EFNB2: variants seen among roughly 807,000 people sequenced by gnomAD.
EFNB2 encodes the protein ephrin B2, also known as ephrin-B2.
Under a neutral mutation model 32.1 loss-of-function variants are expected in EFNB2, and 5 were observed. That is an observed-to-expected ratio of 0.16 (90% CI 0.08 to 0.33). The LOEUF is 0.33. Among genes scored for constraint, EFNB2 ranks in the 10% least tolerant of loss-of-function variants. EFNB2 has a pLI of 1.00. For synonymous variants in EFNB2, 168 were observed against 166.5 expected (o/e 1.01, Z -0.07); for missense variants, 263 against 422.6 (o/e 0.62, Z 3.31).
At chr13:106,505,283 A>G (rs1476344103) in intron 2 of EFNB2, among the ~76,000 whole-genome samples, 1 of 152,210 alleles carries the variant, frequency 6.6e-6, no homozygotes, top group African/African-American at 2.4e-5. Flanking sequence ...CTATTGCTAC[A>G]TGTGCACTTA....
intron 1 of EFNB2, among the ~76,000 whole-genome samples, chr13:106,523,965 A>G (rs1206398413): frequency 6.6e-6 from 1 of 152,206 alleles, no homozygotes; most frequent in African/African-American, 2.4e-5. Flanking sequence ...TTTTCTCCCA[A>G]CAAGGAACAA....
At position 106,521,923 on chromosome 13, in the gene EFNB2, AGT is replaced by A. The variant is rs1223916449; in HGVS notation, c.123-9113_123-9112del. Among the ~76,000 whole-genome samples, 7 of 152,208 alleles carry A rather than the reference AGT, an allele frequency of 4.6e-5. No homozygotes were observed. The East Asian group carries it at 7.7e-4, about 17-fold the overall frequency. ...TTAATCATCTAGAAATCTAACTTTA[AGT>A]GTGTGATCCCCAAATATCATTGTTG... On this transcript the variant is annotated intron_variant, in intron 1 of 4. Coordinates refer to ENST00000646441, the MANE Select transcript of EFNB2 (RefSeq NM_004093.4).
At chr13:106,495,650 A>C in intron 3 of EFNB2, 98 bp downstream of exon 3, 1 of 1,168,476 alleles carries the variant, frequency 8.6e-7, no homozygotes, top group African/African-American at 1.6e-5. Context: ...AACTAAAAAG[A>C]AGAGCGAATG....
chr13:106,509,461 T>C (rs890544207), intron 2 of EFNB2, among the ~76,000 whole-genome samples: 3 of 152,242 alleles, frequency 2.0e-5, no homozygotes, highest in African/African-American at 4.8e-5. Flanking sequence ...CAAATGCTAA[T>C]ATTATTTACT....
intron 2 of EFNB2, chr13:106,506,738 A>G (rs1174368014): frequency 6.6e-6 from 1 of 152,186 alleles, no homozygotes; most frequent in African/African-American, 2.4e-5. Context: ...GTTAACTCTT[A>G]GTTATATGTA....
chr13:106,525,537 C>A (rs570566208), intron 1 of EFNB2, among the ~76,000 whole-genome samples: 1 of 152,220 alleles, frequency 6.6e-6, no homozygotes, highest in East Asian at 1.9e-4. Context: ...ACACACGCTG[C>A]CCTTGGCTGA....
intron 2 of EFNB2, among the ~76,000 whole-genome samples, chr13:106,496,936 C>T (rs1390047441): frequency 1.3e-5 from 2 of 152,192 alleles, no homozygotes; most frequent in African/African-American, 4.8e-5. Context: ...GTTTCATATA[C>T]ATTTCTGCAA....
At position 106,493,524 on chromosome 13, in the gene EFNB2, C is replaced by A; in HGVS notation, c.614-96G>T. On this transcript the variant is annotated intron_variant, in intron 4 of 4. Coordinates refer to ENST00000646441, the MANE Select transcript of EFNB2 (RefSeq NM_004093.4). The surrounding 1 kb of genome is among the most constrained non-coding windows in gnomAD (Gnocchi z 6.1). ...ACCCTTAAAAATGTGAAAAATAAGCCAGGCTTATTACTAACTAGAAGCTGG... is the reference window on the plus strand; with the variant it reads ...ACCCTTAAAAATGTGAAAAATAAGCAAGGCTTATTACTAACTAGAAGCTGG... 1 of 1,474,620 alleles carries A rather than the reference C, an allele frequency of 6.8e-7. No individual in the cohort carries two copies. The highest frequency in any genetic ancestry group is 2.3e-5 in the East Asian group (1 of 43,544). The allele number at this position is 1,474,620 out of a possible 1,614,324, so 91.3% of individuals were successfully genotyped here.
chr13:106,524,814 A>G (rs895291864), intron 1 of EFNB2, among the ~76,000 whole-genome samples: 4 of 152,248 alleles, frequency 2.6e-5, no homozygotes, highest in African/African-American at 9.6e-5. Flanking sequence ...AGAAAGCACC[A>G]AAAGCAGGAA....
intron 2 of EFNB2, among the ~76,000 whole-genome samples, chr13:106,500,182 A>C (rs938825947): frequency 2.0e-5 from 3 of 152,144 alleles, no homozygotes; most frequent in African/African-American, 7.2e-5. Context: ...CTCCATTTTC[A>C]CATGTCTTCA....
chr13:106,530,098 C>G (rs759735391), intron 1 of EFNB2, among the ~76,000 whole-genome samples: 2 of 152,192 alleles, frequency 1.3e-5, no homozygotes, highest in African/African-American at 2.4e-5. Flanking sequence ...CGGTTTACAT[C>G]TTCCATCATG....
chr13:106,493,690 A>T lies in EFNB2; in HGVS notation c.614-262T>A, dbSNP rs1011054598. On this transcript the variant is annotated intron_variant, in intron 4 of 4. Coordinates refer to ENST00000646441, the MANE Select transcript of EFNB2 (RefSeq NM_004093.4). This position sits in a 1 kb window ranked among gnomAD's most constrained non-coding sequence, Gnocchi z 6.1. The stretch of plus-strand genomic sequence containing the variant: ...AGCAAGAGCACAGACTGTCGGTGAC[A>T]GCCAGCCCTTGATCTTGCTTCATCT... 3.3e-5 allele frequency among the ~76,000 whole-genome samples: 5 copies of T among 152,338 alleles called. No homozygotes were observed. The highest frequency in any genetic ancestry group is 2.6e-4 in the Admixed American group (4 of 15,294).
chr13:106,499,023 A>C (rs1194393242), intron 2 of EFNB2, among the ~76,000 whole-genome samples: 1 of 152,184 alleles, frequency 6.6e-6, no homozygotes. Flanking sequence ...TTTTGCCATG[A>C]GTTAGAAATG....
intron 1 of EFNB2, among the ~76,000 whole-genome samples, chr13:106,523,428 A>C (rs1019042135): frequency 7.9e-5 from 12 of 152,216 alleles, no homozygotes; most frequent in Non-Finnish European, 1.6e-4. Flanking sequence ...AAATACTATA[A>C]GTGATTCAAA....
rs1457905227 is a variant in EFNB2, at chr13:106,535,064, C to T, written c.-100G>A. The T allele has an allele frequency of 2.0e-6, 3 of 1,499,468 alleles. No homozygotes were observed. Among genetic ancestry groups the T allele is most frequent in the Admixed American group, 4.1e-5 (2 of 49,354 alleles). The allele number at this position is 1,499,468 out of a possible 1,614,324, so 92.9% of individuals were successfully genotyped here. A position where few individuals can be genotyped will look rare whatever the true frequency, so the allele number is the denominator to read the frequency against. ...CTCCGGGGCAGACTGGCGGGGAAGA[C>T]GGCGTGCGCCCGCAGGCAGCTCCGA... On this transcript the variant is annotated 5_prime_UTR_variant, in exon 1 of 5. Transcript: ENST00000646441.
At chr13:106,517,128 T>C in intron 1 of EFNB2, 1 of 152,202 alleles carries the variant, frequency 6.6e-6, no homozygotes, top group East Asian at 1.9e-4. Context: ...TATTCAACAA[T>C]ACACTTCTCC....
chr13:106,514,036 CAT>C (rs1879232902), intron 1 of EFNB2, among the ~76,000 whole-genome samples: 1 of 152,088 alleles, frequency 6.6e-6, no homozygotes, highest in Non-Finnish European at 1.5e-5. Context: ...CAGCACAAAA[CAT>C]AACAGAAATC....
At chr13:106,507,761 A>C (rs1879003441) in intron 2 of EFNB2, among the ~76,000 whole-genome samples, 1 of 152,236 alleles carries the variant, frequency 6.6e-6, no homozygotes, top group South Asian at 2.1e-4. Context: ...GGCCTCCAAG[A>C]GGATGCCATG....
At chr13:106,512,354 G>C (rs1340231818) in intron 2 of EFNB2, among the ~76,000 whole-genome samples, 175 bp downstream of exon 2, 1 of 126,714 alleles carries the variant, frequency 7.9e-6, no homozygotes, top group African/African-American at 2.9e-5. Flanking sequence ...GGTAGCACAG[G>C]GTCCCAAATT....
Sources: gnomAD v4.1 joint callset for allele counts (sites outside exome capture counted in the v4.1 genomes callset) on GRCh38, gnomAD v4.1.1 for gene constraint, Gnocchi (gnomAD v3.1) non-coding constraint, MANE v1.5 for transcripts, NCBI Gene and HGNC (gene_info 2026-07-23, HGNC 2026-07-21) for gene names.